The following SGCZ variants were observed in gnomAD, a reference collection of about 807,000 sequenced individuals.
SGCZ encodes the protein zeta-sarcoglycan.
SGCZ carries 40 observed loss-of-function variants against 41.3 expected under a neutral mutation model. The ratio of observed to expected loss-of-function variants is 0.97; its 90% CI spans 0.75 to 1.26. The LOEUF (loss-of-function observed/expected upper bound fraction) is 1.26, where lower values mean the gene tolerates loss of function less well. Among genes scored for constraint, SGCZ ranks in the 50% most tolerant of loss-of-function variants. The pLI is 0.00. For missense variants in SGCZ, 552 were observed against 369.8 expected, an observed-to-expected ratio of 1.49 and a Z score of -4.04; for synonymous variants, 206 against 137.5, an observed-to-expected ratio of 1.50 and a Z score of -3.49.
At chr8:14,308,903 A>G in intron 3 of SGCZ, 7 of 458,062 alleles carry the variant, frequency 1.5e-5, no homozygotes, top group Admixed American at 3.8e-5. Flanking sequence ...GCAAAGAAAT[A>G]CATTTTCTTA....
At chr8:14,952,389 T>G (rs965651798) in intron 1 of SGCZ, among the ~76,000 whole-genome samples, 3 of 152,116 alleles carry the variant, frequency 2.0e-5, no homozygotes, top group African/African-American at 7.2e-5. Context: ...CACATAGGTC[T>G]GTTACATGGC....
At chr8:14,747,974 C>T (rs551428315) in intron 1 of SGCZ, among the ~76,000 whole-genome samples, 4 of 151,086 alleles carry the variant, frequency 2.6e-5, no homozygotes, top group South Asian at 4.2e-4. Flanking sequence ...GATTCACCCA[C>T]CTCGGCCACA....
At chr8:14,631,161 T>G (rs896463155) in intron 1 of SGCZ, among the ~76,000 whole-genome samples, 2 of 151,996 alleles carry the variant, frequency 1.3e-5, no homozygotes, top group Non-Finnish European at 2.9e-5. Context: ...GCCACTCGAA[T>G]CTCCAACACG....
At chr8:14,716,736 C>A (rs967695436) in intron 1 of SGCZ, among the ~76,000 whole-genome samples, 4 of 151,994 alleles carry the variant, frequency 2.6e-5, no homozygotes, top group African/African-American at 4.8e-5. Flanking sequence ...TTGAAAATAA[C>A]AAAGCATTGT....
chr8:14,580,611 C>A (rs1563129675), intron 1 of SGCZ, among the ~76,000 whole-genome samples: 1 of 152,010 alleles, frequency 6.6e-6, no homozygotes, highest in Non-Finnish European at 1.5e-5. Flanking sequence ...TACAACTGGA[C>A]TTTTTATAAT....
chr8:14,790,098 G>T (rs188377773), intron 1 of SGCZ, among the ~76,000 whole-genome samples: 1 of 152,030 alleles, frequency 6.6e-6, no homozygotes, highest in South Asian at 2.1e-4. Context: ...ACATAATCAA[G>T]ACAGCATTCT....
chr8:15,229,016 A>G (rs947332635), intron 1 of SGCZ, among the ~76,000 whole-genome samples: 5 of 152,180 alleles, frequency 3.3e-5, no homozygotes, highest in Non-Finnish European at 7.4e-5. Flanking sequence ...CAACATGGTG[A>G]AACCCGTATC....
intron 1 of SGCZ, among the ~76,000 whole-genome samples, chr8:14,634,486 A>G (rs185674953): frequency 2.3e-3 from 349 of 151,984 alleles, no homozygotes; most frequent in African/African-American, 8.0e-3. Flanking sequence ...GTACCAAGTT[A>G]TTGCAGAAAA....
At chr8:14,539,270 C>A (rs1421185530) in intron 2 of SGCZ, among the ~76,000 whole-genome samples, 1 of 151,960 alleles carries the variant, frequency 6.6e-6, no homozygotes, top group Non-Finnish European at 1.5e-5. Flanking sequence ...ACCATGTGAA[C>A]CAATTCTGTA....
At chr8:14,414,796 T>C (rs1290814196) in intron 2 of SGCZ, among the ~76,000 whole-genome samples, 1 of 151,940 alleles carries the variant, frequency 6.6e-6, no homozygotes, top group Non-Finnish European at 1.5e-5. Context: ...TAAAGCCATA[T>C]GTTAGTATTT....
intron 4 of SGCZ, among the ~76,000 whole-genome samples, chr8:14,197,363 AAAG>A (rs1488955258): frequency 6.6e-6 from 1 of 152,114 alleles, no homozygotes; most frequent in Non-Finnish European, 1.5e-5. Flanking sequence ...ATCCTTCATG[AAAG>A]AAGAACATCC....
At position 14,901,921 on chromosome 8, in the gene SGCZ, C is replaced by T; in HGVS notation, c.39+335664G>A. Among the ~76,000 whole-genome samples, 2 of 152,142 alleles carry T rather than the reference C, an allele frequency of 1.3e-5. 1 individual carries two copies. The highest frequency in any genetic ancestry group is 1.3e-4 in the Admixed American group (2 of 15,270). ...AACATGAGAAATTGATTCTTGTTTA[C>T]ATCACCTAGCAAGAACAAATGCTGA... On this transcript the variant is annotated intron_variant, in intron 1 of 7. Coordinates refer to ENST00000382080, the MANE Select transcript of SGCZ (RefSeq NM_139167.4).
rs565408160 is a variant in SGCZ at position 14,281,222 on chromosome 8, A to G, written c.336+42881T>C. Among the ~76,000 whole-genome samples the G allele has an allele frequency of 1.4e-3, 217 of 152,182 alleles. 2 individuals are homozygous for G. The highest frequency in any genetic ancestry group is 1.9e-3 in the Admixed American group (29 of 15,294). On this transcript the variant is annotated intron_variant, in intron 3 of 7. Coordinates refer to ENST00000382080, the MANE Select transcript of SGCZ (RefSeq NM_139167.4). ...AGTTTCTACTCTATATAATTGGCAC[A>G]AAATATATACCTCATTAGTCATTTT...
rs73205430 is a variant in SGCZ, at chr8:15,057,532, C to G, written c.39+180053G>C. Among the ~76,000 whole-genome samples the G allele has an allele frequency of 4.4e-3, 674 of 152,260 alleles. 3 individuals are homozygous for G. Among genetic ancestry groups the G allele is most frequent in the Non-Finnish European group, 7.6e-3 (518 of 68,018 alleles). ...TATCAATATATATTATTACATTATT[C>G]ATTACCTATTCATGTATTAATTAAA... On this transcript the variant is annotated intron_variant, in intron 1 of 7. Transcript: ENST00000382080.
chr8:14,111,105 C>G (rs1802358371), intron 5 of SGCZ, among the ~76,000 whole-genome samples: 2 of 151,864 alleles, frequency 1.3e-5, no homozygotes, highest in South Asian at 2.1e-4. Flanking sequence ...CTGTCTCTCT[C>G]AAGAATTGAA....
At position 14,808,077 on chromosome 8, in the gene SGCZ, A is replaced by C. The variant is rs528436607; in HGVS notation, c.40-253151T>G. On this transcript the variant is annotated intron_variant, in intron 1 of 7. Transcript: ENST00000382080. ...CTTCCTTACACCTTATACAAAAATT[A>C]ATTCAAGATGGATTAAAGACTGAAA... 3.0e-3 allele frequency among the ~76,000 whole-genome samples: 464 copies of C among 152,258 alleles called. 3 individuals are homozygous for C. The highest frequency in any genetic ancestry group is 0.011 in the African/African-American group (443 of 41,516).
intron 1 of SGCZ, among the ~76,000 whole-genome samples, chr8:14,695,694 C>T (rs919141374): frequency 6.7e-6 from 1 of 150,064 alleles, no homozygotes; most frequent in Non-Finnish European, 1.5e-5. Context: ...AACATGCACA[C>T]GCACACACAC....
intron 1 of SGCZ, among the ~76,000 whole-genome samples, chr8:15,182,120 A>C (rs909722509): frequency 6.6e-6 from 1 of 152,168 alleles, no homozygotes. Flanking sequence ...TCCTCTATCT[A>C]GCAAAATACA....
chr8:14,381,188 G>A (rs548909928), intron 2 of SGCZ, among the ~76,000 whole-genome samples: 1 of 152,192 alleles, frequency 6.6e-6, no homozygotes, highest in Admixed American at 6.5e-5. Context: ...ATTATTAATG[G>A]TCAAGTAGGA....
Sources: gnomAD v4.1 joint callset for allele counts (sites outside exome capture counted in the v4.1 genomes callset) on GRCh38, gnomAD v4.1.1 for gene constraint, MANE v1.5 for transcripts, NCBI Gene and HGNC (gene_info 2026-07-23, HGNC 2026-07-21) for gene names.